WDR3: variants seen among roughly 807,000 people sequenced by gnomAD.
The protein encoded by WDR3 is WD repeat domain 3, also known as WD repeat-containing protein 3.
Under a neutral mutation model 123.7 loss-of-function variants are expected in WDR3, and 81 were observed. That is an observed-to-expected ratio of 0.65 (90% CI 0.55 to 0.79). The LOEUF (loss-of-function observed/expected upper bound fraction) is 0.79, where lower values mean the gene tolerates loss of function less well. Among genes scored for constraint, WDR3 ranks in the 30% least tolerant of loss-of-function variants. The pLI is 0.00. For missense variants in WDR3, 1,027 were observed against 1,123.2 expected (o/e 0.91, Z 1.22); for synonymous variants, 390 against 388.8 (o/e 1.00, Z -0.04).
Position 117,938,525 on chromosome 1 carries a change from C to G in WDR3, c.546C>G (p.His182Gln). 1 of 1,613,354 alleles carries G rather than the reference C, an allele frequency of 6.2e-7. No individual in the cohort carries two copies. The highest frequency in any genetic ancestry group is 1.1e-5 in the South Asian group (1 of 91,058). ...AATGGTGGGACCTTGATACTCAGCA[C>G]TGCTTTAAAACAATGGTTGGCCACC... is the stretch of plus-strand genomic sequence containing the variant. Reference protein sequence around the residue: ...MVKWWDLDTQHCFKTMVGHRT... With the variant: ...MVKWWDLDTQQCFKTMVGHRT... Residue 182 changes from histidine to glutamine, a missense_variant, in exon 5 of 27, where the codon CAC becomes CAG. Physicochemically the swap from His to Gln is conservative, Grantham distance 24 (BLOSUM62 0). Coordinates refer to ENST00000349139, the MANE Select transcript of WDR3 (RefSeq NM_006784.3).
In WDR3 at chr1:117,934,579, G is replaced by C. The variant is rs199738104; in HGVS notation, c.278G>C (p.Ser93Thr). 4 of 1,614,154 alleles carry C rather than the reference G, an allele frequency of 2.5e-6. No individual in the cohort carries two copies. Among genetic ancestry groups the C allele is most frequent in the Non-Finnish European group, 2.5e-6 (3 of 1,180,020 alleles). The stretch of plus-strand genomic sequence containing the variant: ...GAGGATGGGTCGATCCGAATCTTCA[G>C]TCTCCTGAGTGGGGAAGGAAATGTG... ...GYEDGSIRIF[S>T]LLSGEGNVTF... The change falls in exon 3 of 27, where the codon AGT (serine) becomes ACT (threonine). Residue 93 changes from serine to threonine, a missense_variant. Physicochemically the swap from Ser to Thr is moderately conservative, Grantham distance 58 (BLOSUM62 1). Coordinates refer to ENST00000349139, the MANE Select transcript of WDR3 (RefSeq NM_006784.3).
chr1:117,941,538 T>C (rs747737222), intron 8 of WDR3, among the ~76,000 whole-genome samples: 1 of 152,212 alleles, frequency 6.6e-6, no homozygotes, highest in Non-Finnish European at 1.5e-5. Context: ...TAAGAGCATT[T>C]AACTTCTTGT....
intron 21 of WDR3, 85 bp downstream of exon 21, chr1:117,953,626 G>A: frequency 6.8e-7 from 1 of 1,465,310 alleles, no homozygotes; most frequent in Non-Finnish European, 9.2e-7. Flanking sequence ...CAACCAGAAA[G>A]CCATTTTTTT....
rs997647627 is a variant in WDR3 at position 117,929,797 on chromosome 1, T to A, written c.-33+15T>A. On this transcript the variant is annotated intron_variant, in intron 1 of 26. Transcript: ENST00000349139. Reference sequence around the variant, plus strand: ...TGGAGGCTGAGGTGAGTCCTGGAGGTGCGTGGTTGGGGCGGAGAGCATTAT... The same window carrying A: ...TGGAGGCTGAGGTGAGTCCTGGAGGAGCGTGGTTGGGGCGGAGAGCATTAT... The A allele has an allele frequency of 6.6e-6, 1 of 151,562 alleles. No individual in the cohort carries two copies. Among genetic ancestry groups the A allele is most frequent in the African/African-American group, 2.4e-5 (1 of 41,122 alleles). 9.4% of individuals were successfully genotyped at this position (151,562 alleles called of 1,614,324 possible). A position where few individuals can be genotyped will look rare whatever the true frequency, so the allele number is the denominator to read the frequency against.
intron 5 of WDR3, 87 bp from the exon 6 acceptor site, chr1:117,939,390 A>G (rs987190580): frequency 5.9e-6 from 8 of 1,349,310 alleles, no homozygotes; most frequent in Non-Finnish European, 8.4e-6. Context: ...ACATTTTACT[A>G]CGGTGTAACA....
At chr1:117,947,060 G>A (rs1320363432) in intron 12 of WDR3, among the ~76,000 whole-genome samples, 1 of 152,068 alleles carries the variant, frequency 6.6e-6, no homozygotes, top group Admixed American at 6.6e-5. Flanking sequence ...CGTACCAGAT[G>A]GACTGGTACC....
chr1:117,932,836 A>G (rs1295250278), intron 1 of WDR3, among the ~76,000 whole-genome samples: 1 of 152,156 alleles, frequency 6.6e-6, no homozygotes, highest in African/African-American at 2.4e-5. Flanking sequence ...TTTTAGGTCA[A>G]TGATTCATTT....
chr1:117,965,172 C>G lies in WDR3; in HGVS notation c.*5725C>G, dbSNP rs919302191. On this transcript the variant is annotated 3_prime_UTR_variant, in exon 27 of 27. Coordinates refer to ENST00000349139, the MANE Select transcript of WDR3 (RefSeq NM_006784.3). Reference sequence around the variant, plus strand: ...TACCTTTTGCAATTTAGTTTTTATCCCAACCAAATTTAACACTTTAAATCT... The same window carrying G: ...TACCTTTTGCAATTTAGTTTTTATCGCAACCAAATTTAACACTTTAAATCT... 43 of 152,242 alleles carry G rather than the reference C, an allele frequency of 2.8e-4. No individual in the cohort carries two copies. The highest frequency in any genetic ancestry group is 1.0e-3 in the African/African-American group (43 of 41,540). The allele number at this position is 152,242 out of a possible 1,614,324, so 9.4% of individuals were successfully genotyped here.
At chr1:117,949,694 C>T in intron 13 of WDR3, 57 bp from the exon 14 acceptor site, 1 of 1,561,118 alleles carries the variant, frequency 6.4e-7, no homozygotes, top group Non-Finnish European at 8.8e-7. Context: ...AATGTATCTT[C>T]ATAGCAAAGT....
Position 117,966,458 on chromosome 1 carries a change from A to G in WDR3, c.*7011A>G. 1 of 741,854 alleles carries G rather than the reference A, an allele frequency of 1.3e-6. No individual in the cohort carries two copies. 46.0% of individuals were successfully genotyped at this position (741,854 alleles called of 1,614,324 possible). A position where few individuals can be genotyped will look rare whatever the true frequency, so the allele number is the denominator to read the frequency against. On this transcript the variant is annotated 3_prime_UTR_variant, in exon 27 of 27. Transcript: ENST00000349139. Reference sequence around the variant, plus strand: ...TAGATTTGGCTAGGTGCTTTCAAAGATGAATGAAGATGCTCTTTGTCTTAA... The same window carrying G: ...TAGATTTGGCTAGGTGCTTTCAAAGGTGAATGAAGATGCTCTTTGTCTTAA...
In WDR3 at chr1:117,961,175, C is replaced by G. The variant is rs1653040825; in HGVS notation, c.*1728C>G. ...GCAGGCGCTTGTAATCCCAGCTACT[C>G]AGGAGGCTGAGACAGGAGAATCACT... is the stretch of plus-strand genomic sequence containing the variant. On this transcript the variant is annotated 3_prime_UTR_variant, in exon 27 of 27. Transcript: ENST00000349139. 6.6e-6 allele frequency: 1 copy of G among 152,158 alleles called. No homozygotes were observed. Among genetic ancestry groups the G allele is most frequent in the African/African-American group, 2.4e-5 (1 of 41,416 alleles). 9.4% of individuals were successfully genotyped at this position (152,158 alleles called of 1,614,324 possible).
rs1653418483 is a variant in WDR3 at position 117,963,677 on chromosome 1, TC to T, written c.*4231del. 3.3e-6 allele frequency: 3 copies of T among 914,900 alleles called. No homozygotes were observed. The highest frequency in any genetic ancestry group is 3.3e-5 in the African/African-American group (2 of 59,810). 56.7% of individuals were successfully genotyped at this position (914,900 alleles called of 1,614,324 possible). A position where few individuals can be genotyped will look rare whatever the true frequency, so the allele number is the denominator to read the frequency against. ...CCGGGCCCGGCCTAAACAAATATTT[TC>T]ATTCATTCAGGCCAGGTGGCTTATA... On this transcript the variant is annotated 3_prime_UTR_variant, in exon 27 of 27. Coordinates refer to ENST00000349139, the MANE Select transcript of WDR3 (RefSeq NM_006784.3).
At chr1:117,938,803 A>G (rs1410208020) in intron 5 of WDR3, among the ~76,000 whole-genome samples, 1 of 152,206 alleles carries the variant, frequency 6.6e-6, no homozygotes, top group African/African-American at 2.4e-5. Context: ...CATCATTTCT[A>G]AATAATAAGT....
In WDR3 at chr1:117,953,983, TCTTTC is replaced by T. The variant is rs746617526; in HGVS notation, c.2269-18_2269-14del. ...GATGATGGAGTATGTTGTGATGACT[TCTTTC>T]CTTTCTCATCCTCTGTAGGCTGAGA... On this transcript the variant is annotated intron_variant, in intron 21 of 26. Coordinates refer to ENST00000349139, the MANE Select transcript of WDR3 (RefSeq NM_006784.3). The T allele has an allele frequency of 1.3e-6, 2 of 1,592,058 alleles. No homozygotes were observed. The highest frequency in any genetic ancestry group is 1.7e-6 in the Non-Finnish European group (2 of 1,167,462).
At position 117,941,792 on chromosome 1, in the gene WDR3, A is replaced by G; in HGVS notation, c.934A>G (p.Lys312Glu). Reference sequence around the variant, plus strand: ...AGAATTGTTTTGTATCCTTTCCAAAAAGGAAATTCAGAAGAAAATGGATAA... The same window carrying G: ...AGAATTGTTTTGTATCCTTTCCAAAGAGGAAATTCAGAAGAAAATGGATAA... Reference protein sequence around the residue: ...VLELFCILSKKEIQKKMDKKM... With the variant: ...VLELFCILSKEEIQKKMDKKM... The change falls in exon 9 of 27, where the codon AAG (lysine) becomes GAG (glutamate). Residue 312 changes from lysine (K) to glutamate (E), a missense_variant. By Grantham distance (56) the Lys-to-Glu change is moderately conservative. Transcript: ENST00000349139. 6.2e-7 allele frequency: 1 copy of G among 1,611,006 alleles called. No homozygotes were observed.
At chr1:117,943,233 G>T (rs769237542) in intron 10 of WDR3, among the ~76,000 whole-genome samples, 163 bp from the exon 11 acceptor site, 1 of 152,120 alleles carries the variant, frequency 6.6e-6, no homozygotes, top group Non-Finnish European at 1.5e-5. Context: ...GATTACAGGC[G>T]TGAGCCACTG....
intron 19 of WDR3, 99 bp from the exon 20 acceptor site, chr1:117,952,847 A>G: frequency 6.8e-7 from 1 of 1,464,812 alleles, no homozygotes; most frequent in Non-Finnish European, 9.4e-7. Flanking sequence ...CCATTAGGGT[A>G]TTATGTTGTC....
chr1:117,932,976 C>T (rs1650786622), intron 1 of WDR3, among the ~76,000 whole-genome samples: 1 of 149,548 alleles, frequency 6.7e-6, no homozygotes, highest in South Asian at 2.1e-4. Flanking sequence ...GGATGGATCA[C>T]TTGAGGTGAG....
intron 6 of WDR3, among the ~76,000 whole-genome samples, 187 bp downstream of exon 6, chr1:117,939,759 G>A (rs1429837637): frequency 6.6e-6 from 1 of 152,142 alleles, no homozygotes; most frequent in Non-Finnish European, 1.5e-5. Flanking sequence ...TTTGAGCTCA[G>A]GTTAGCTTTA....
Sources: allele counts gnomAD v4.1 joint callset (sites outside exome capture counted in the v4.1 genomes callset), GRCh38; gene constraint gnomAD v4.1.1; transcripts MANE v1.5; gene names NCBI Gene and HGNC (gene_info 2026-07-23, HGNC 2026-07-21).